Variants in GPC5 observed in about 807,000 individuals in gnomAD.
The protein encoded by GPC5 is glypican-5.
GPC5 carries 47 observed loss-of-function variants against 53.9 expected under a neutral mutation model. The observed-to-expected ratio is 0.87, with a 90% CI of 0.69 to 1.11. The LOEUF (loss-of-function observed/expected upper bound fraction) is 1.11, where lower values mean the gene tolerates loss of function less well. Ranked by LOEUF, GPC5 falls within the 50% of genes most tolerant of loss-of-function variation. GPC5 has a pLI of 0.00. For missense variants in GPC5, 748 were observed against 713.1 expected (o/e 1.05, Z -0.56); for synonymous variants, 286 against 263.3 (o/e 1.09, Z -0.84).
chr13:92,173,349 T>A (rs1279898698), intron 7 of GPC5, among the ~76,000 whole-genome samples: 1 of 152,188 alleles, frequency 6.6e-6, no homozygotes, highest in East Asian at 1.9e-4. Context: ...GTCCTTCATG[T>A]TGACTGTGGT....
intron 7 of GPC5, among the ~76,000 whole-genome samples, chr13:92,377,103 C>T (rs1342974417): frequency 6.6e-6 from 1 of 152,114 alleles, no homozygotes; most frequent in African/African-American, 2.4e-5. Context: ...ACCTTAGTTC[C>T]TGAATCAATG....
chr13:92,385,777 A>ATG lies in GPC5; in HGVS notation c.1561+240789_1561+240790insGT, dbSNP rs1566568281. 1.4e-3 allele frequency among the ~76,000 whole-genome samples: 37 copies of ATG among 27,120 alleles called. 1 individual carries two copies. Among genetic ancestry groups the ATG allele is most frequent in the Middle Eastern group, 0.025 (2 of 80 alleles). 17.8% of individuals were successfully genotyped at this position (27,120 alleles called of 152,430 possible). A position where few individuals can be genotyped will look rare whatever the true frequency, so the allele number is the denominator to read the frequency against. On this transcript the variant is annotated intron_variant, in intron 7 of 7. Transcript: ENST00000377067. ...CGTGTATATATATACGTATATATAC[A>ATG]TATATGTATATATATACATATATAC...
At chr13:91,502,272 G>A (rs1884681328) in intron 2 of GPC5, among the ~76,000 whole-genome samples, 1 of 151,936 alleles carries the variant, frequency 6.6e-6, no homozygotes, top group Admixed American at 6.6e-5. Flanking sequence ...TGTCAATTTT[G>A]GCTTTTGTTG....
rs141899805 is a variant in GPC5, at chr13:92,058,343, A to C, written c.1402-86487A>C. ...TGTGTGGCCAGAATTTTTTAAAATC[A>C]ATAAACTTTATTTTAGTAGCATTTT... On this transcript the variant is annotated intron_variant, in intron 6 of 7. Transcript: ENST00000377067. Among the ~76,000 whole-genome samples, 907 of 152,272 alleles carry C rather than the reference A, an allele frequency of 6.0e-3. 2 individuals carry two copies. Among genetic ancestry groups the C allele is most frequent in the Non-Finnish European group, 9.9e-3 (676 of 68,022 alleles).
chr13:92,216,749 G>C (rs773434926), intron 7 of GPC5, among the ~76,000 whole-genome samples: 5 of 152,088 alleles, frequency 3.3e-5, no homozygotes, highest in Admixed American at 6.5e-5. Context: ...GGAGGCCAAG[G>C]TGGGCGGACC....
In GPC5 at chr13:91,572,039, A is replaced by G. The variant is rs868100128; in HGVS notation, c.326-121148A>G. 1.2e-3 allele frequency among the ~76,000 whole-genome samples: 131 copies of G among 105,846 alleles called. 17 individuals are homozygous for G. Among genetic ancestry groups the G allele is most frequent in the African/African-American group, 6.0e-3 (111 of 18,632 alleles). The allele number at this position is 105,846 out of a possible 152,430, so 69.4% of individuals were successfully genotyped here. A position where few individuals can be genotyped will look rare whatever the true frequency, so the allele number is the denominator to read the frequency against. ...TGCATATACGTGTGTATATATGTGT[A>G]TATACACACATATGTATATATACAT... is the stretch of plus-strand genomic sequence containing the variant. On this transcript the variant is annotated intron_variant, in intron 2 of 7. Coordinates refer to ENST00000377067, the MANE Select transcript of GPC5 (RefSeq NM_004466.6).
intron 3 of GPC5, among the ~76,000 whole-genome samples, chr13:91,696,964 T>C (rs1241362334): frequency 2.0e-5 from 3 of 152,186 alleles, no homozygotes; most frequent in Non-Finnish European, 4.4e-5. Context: ...CATTTGCTTA[T>C]TTTATCTCTG....
chr13:91,784,917 CT>C (rs2037855282), intron 5 of GPC5, among the ~76,000 whole-genome samples: 1 of 152,180 alleles, frequency 6.6e-6, no homozygotes, highest in African/African-American at 2.4e-5. Flanking sequence ...ACCAAAACTT[CT>C]TAGTTTAATG....
chr13:92,546,452 A>G (rs940503481), intron 7 of GPC5, among the ~76,000 whole-genome samples: 2 of 152,178 alleles, frequency 1.3e-5, no homozygotes, highest in Admixed American at 6.5e-5. Context: ...TAGGAATCCA[A>G]CTTACAAGGG....
chr13:92,176,311 A>G (rs1440453444), intron 7 of GPC5, among the ~76,000 whole-genome samples: 1 of 152,168 alleles, frequency 6.6e-6, no homozygotes, highest in Non-Finnish European at 1.5e-5. Flanking sequence ...ACCTTTCATG[A>G]GGTAGCCCTT....
intron 7 of GPC5, among the ~76,000 whole-genome samples, chr13:92,494,174 C>T (rs1879879491): frequency 6.6e-6 from 1 of 152,024 alleles, no homozygotes; most frequent in South Asian, 2.1e-4. Context: ...ACTGCAAGCT[C>T]CGCCTCCTGG....
chr13:91,578,427 T>C (rs2032219217), intron 2 of GPC5, among the ~76,000 whole-genome samples: 1 of 152,230 alleles, frequency 6.6e-6, no homozygotes, highest in Non-Finnish European at 1.5e-5. Flanking sequence ...CAGAATTTAC[T>C]ACCCCCTTTG....
intron 5 of GPC5, among the ~76,000 whole-genome samples, chr13:91,845,184 A>G (rs2038834068): frequency 7.1e-6 from 1 of 140,110 alleles, no homozygotes; most frequent in Admixed American, 7.2e-5. Flanking sequence ...GAACACTGAG[A>G]TTCTTTATGT....
chr13:91,818,601 A>T (rs746413299), intron 5 of GPC5, among the ~76,000 whole-genome samples: 2 of 152,178 alleles, frequency 1.3e-5, no homozygotes, highest in African/African-American at 4.8e-5. Flanking sequence ...CATTAGACTG[A>T]TGGAGATAAC....
intron 7 of GPC5, among the ~76,000 whole-genome samples, chr13:92,503,658 C>A (rs1289122518): frequency 1.3e-5 from 2 of 151,610 alleles, no homozygotes; most frequent in African/African-American, 4.8e-5. Flanking sequence ...TATCGATACC[C>A]AATTATCAAT....
intron 6 of GPC5, among the ~76,000 whole-genome samples, chr13:92,095,655 C>T (rs1411683871): frequency 3.9e-5 from 6 of 152,170 alleles, no homozygotes; most frequent in Non-Finnish European, 7.3e-5. Context: ...CTGCCTCGGC[C>T]TCCTGAGTAG....
chr13:91,588,210 A>G (rs2032667849), intron 2 of GPC5, among the ~76,000 whole-genome samples: 1 of 152,170 alleles, frequency 6.6e-6, no homozygotes. Context: ...AAAACATTAG[A>G]AATCTATACA....
intron 7 of GPC5, among the ~76,000 whole-genome samples, chr13:92,797,819 TGATA>T (rs10553721): frequency 0.24 from 34,930 of 143,382 alleles, 4,362 homozygotes; most frequent in Admixed American, 0.29. Context: ...ATTCAAGGGA[TGATA>T]GATAGATAGA....
At chr13:92,103,389 A>G (rs1371074291) in intron 6 of GPC5, among the ~76,000 whole-genome samples, 1 of 152,162 alleles carries the variant, frequency 6.6e-6, no homozygotes, top group Non-Finnish European at 1.5e-5. Context: ...CTTTTCTTAT[A>G]TAACTCCATA....
Sources: gnomAD v4.1 joint callset for allele counts (sites outside exome capture counted in the v4.1 genomes callset) on GRCh38, gnomAD v4.1.1 for gene constraint, MANE v1.5 for transcripts, NCBI Gene and HGNC (gene_info 2026-07-23, HGNC 2026-07-21) for gene names.